Variants in ARHGAP28 observed in about 807,000 individuals in gnomAD.
The protein encoded by ARHGAP28 is rho GTPase-activating protein 28.
Under a neutral mutation model 90.7 loss-of-function variants are expected in ARHGAP28, and 56 were observed. The observed-to-expected ratio is 0.62, with a 90% CI of 0.50 to 0.77. The LOEUF is 0.77. Among genes scored for constraint, ARHGAP28 ranks in the 30% least tolerant of loss-of-function variants. The pLI, the probability that ARHGAP28 is intolerant of heterozygous loss-of-function variation, is 0.00. For missense variants in ARHGAP28, 869 were observed against 900.9 expected, an observed-to-expected ratio of 0.96 and a Z score of 0.45; for synonymous variants, 308 against 323.3, an observed-to-expected ratio of 0.95 and a Z score of 0.51.
chr18:6,901,950 TTC>T (rs1392574863), intron 16 of ARHGAP28, among the ~76,000 whole-genome samples: 5 of 152,176 alleles, frequency 3.3e-5, no homozygotes, highest in African/African-American at 1.2e-4. Flanking sequence ...AATCTTGGCA[TTC>T]CATGGCTTGA....
In ARHGAP28 at chr18:6,823,299, A is replaced by G. The variant is rs79765237; in HGVS notation, c.123-1463A>G. ...ACTACTCAGCACCACAAGTAAATGG[A>G]ATAATCTAGTATTCGTCTTTTTGTG... is the stretch of plus-strand genomic sequence containing the variant. On this transcript the variant is annotated intron_variant, in intron 1 of 17. Coordinates refer to ENST00000383472, the MANE Select transcript of ARHGAP28 (RefSeq NM_001366230.1). Among the ~76,000 whole-genome samples the G allele has an allele frequency of 1.2e-3, 180 of 152,182 alleles. 1 individual carries two copies. The highest frequency in any genetic ancestry group is 4.3e-3 in the African/African-American group (177 of 41,512).
intron 6 of ARHGAP28, among the ~76,000 whole-genome samples, chr18:6,869,016 A>G (rs2057060462): frequency 6.6e-6 from 1 of 152,142 alleles, no homozygotes; most frequent in African/African-American, 2.4e-5. Flanking sequence ...AGACATTAGT[A>G]TTCTACATCA....
At chr18:6,755,181 AAAAG>A (rs2056099645) in intron 1 of ARHGAP28, among the ~76,000 whole-genome samples, 1 of 152,142 alleles carries the variant, frequency 6.6e-6, no homozygotes, top group Non-Finnish European at 1.5e-5. Flanking sequence ...TTAAAGCAAA[AAAAG>A]AAAGTAAATT....
At chr18:6,792,916 C>A (rs2056416476) in intron 1 of ARHGAP28, among the ~76,000 whole-genome samples, 1 of 152,188 alleles carries the variant, frequency 6.6e-6, no homozygotes, top group Non-Finnish European at 1.5e-5. Context: ...CAAATGAAAT[C>A]TGTTCCCTAA....
intron 1 of ARHGAP28, among the ~76,000 whole-genome samples, chr18:6,770,642 C>T (rs995321168): frequency 2.0e-5 from 3 of 152,258 alleles, no homozygotes; most frequent in African/African-American, 7.2e-5. Context: ...AAGCCAGAGG[C>T]TACTTGTAAG....
chr18:6,736,663 C>T (rs924309741), intron 1 of ARHGAP28, among the ~76,000 whole-genome samples: 3 of 149,484 alleles, frequency 2.0e-5, no homozygotes, highest in South Asian at 2.1e-4. Flanking sequence ...AGGAGAATCA[C>T]TTGAACCCAG....
At chr18:6,802,226 T>G (rs1600197745) in intron 1 of ARHGAP28, among the ~76,000 whole-genome samples, 1 of 151,990 alleles carries the variant, frequency 6.6e-6, no homozygotes, top group Admixed American at 6.6e-5. Context: ...ATGAAAGTAT[T>G]ACAATAAACA....
Position 6,913,626 on chromosome 18 carries a change from TA to T in ARHGAP28, c.*1473del, listed in dbSNP as rs2057410024. On this transcript the variant is annotated 3_prime_UTR_variant, in exon 18 of 18. Transcript: ENST00000383472. ...TTTGTAGAAGAAATCTTGTATATAC[TA>T]TTATTACACCTTGATATCTATACAA... 1 of 50,734 alleles carries T rather than the reference TA, an allele frequency of 2.0e-5. No individual in the cohort carries two copies. The highest frequency in any genetic ancestry group is 6.4e-5 in the African/African-American group (1 of 15,698). The allele number at this position is 50,734 out of a possible 1,614,324, so 3.1% of individuals were successfully genotyped here.
rs557657424 is a variant in ARHGAP28, at chr18:6,771,741, G to T, written c.122+41798G>T. On this transcript the variant is annotated intron_variant, in intron 1 of 17. Transcript: ENST00000383472. The stretch of plus-strand genomic sequence containing the variant: ...TTCTGATCCTTGAGACTATCCTGTT[G>T]CCTAGTACGTTTTTATGTTAAACAT... Among the ~76,000 whole-genome samples, 3 of 152,274 alleles carry T rather than the reference G, an allele frequency of 2.0e-5. No homozygotes were observed. The South Asian group carries it at 6.2e-4, about 32-fold the overall frequency.
chr18:6,909,931 C>T (rs1346834955), intron 17 of ARHGAP28, among the ~76,000 whole-genome samples: 1 of 152,112 alleles, frequency 6.6e-6, no homozygotes, highest in Non-Finnish European at 1.5e-5. Flanking sequence ...TAAAAATTGG[C>T]AATTTCCCTC....
At chr18:6,861,761 T>G (rs2057000527) in intron 5 of ARHGAP28, among the ~76,000 whole-genome samples, 1 of 152,180 alleles carries the variant, frequency 6.6e-6, no homozygotes, top group Non-Finnish European at 1.5e-5. Flanking sequence ...TTCTATTTCT[T>G]TATTCTTAGC....
chr18:6,863,112 T>G (rs1348918835), intron 5 of ARHGAP28, among the ~76,000 whole-genome samples: 1 of 152,098 alleles, frequency 6.6e-6, no homozygotes, highest in African/African-American at 2.4e-5. Context: ...AAATAATTAT[T>G]TATCTCATTG....
chr18:6,815,042 A>G lies in ARHGAP28; in HGVS notation c.123-9720A>G, dbSNP rs971450199. On this transcript the variant is annotated intron_variant, in intron 1 of 17. Coordinates refer to ENST00000383472, the MANE Select transcript of ARHGAP28 (RefSeq NM_001366230.1). The stretch of plus-strand genomic sequence containing the variant: ...TTAGGTGGCACCAAACTAGTTCTCT[A>G]CTCATAACCTCAATTTATCTTTGGG... 9.2e-5 allele frequency among the ~76,000 whole-genome samples: 14 copies of G among 152,314 alleles called. 1 individual carries two copies. The highest frequency in any genetic ancestry group is 6.5e-4 in the Admixed American group (10 of 15,294).
intron 1 of ARHGAP28, among the ~76,000 whole-genome samples, chr18:6,813,579 CTT>C (rs1424537948): frequency 6.6e-6 from 1 of 152,080 alleles, no homozygotes; most frequent in African/African-American, 2.4e-5. Flanking sequence ...AATTTGATAA[CTT>C]ATTTTGTCAT....
intron 2 of ARHGAP28, 57 bp from the exon 3 acceptor site, chr18:6,837,140 T>C: frequency 7.9e-7 from 1 of 1,272,860 alleles, no homozygotes; most frequent in Non-Finnish European, 1.1e-6. Flanking sequence ...GATATTCACA[T>C]GGCATCCAAT....
chr18:6,863,977 G>T (rs1841179885), intron 5 of ARHGAP28, among the ~76,000 whole-genome samples: 3 of 149,136 alleles, frequency 2.0e-5, no homozygotes, highest in Admixed American at 1.3e-4. Flanking sequence ...TAGAGACAGG[G>T]TTTCACCATG....
intron 13 of ARHGAP28, 138 bp downstream of exon 13, chr18:6,890,223 C>A: frequency 2.1e-6 from 2 of 972,676 alleles, no homozygotes; most frequent in East Asian, 2.5e-5. Context: ...GACAGCCTTA[C>A]ACCTTCTGGA....
At chr18:6,773,298 C>G (rs1461241979) in intron 1 of ARHGAP28, among the ~76,000 whole-genome samples, 1 of 152,118 alleles carries the variant, frequency 6.6e-6, no homozygotes, top group Non-Finnish European at 1.5e-5. Flanking sequence ...ACACAAGCAA[C>G]AGATGCATAC....
At chr18:6,757,311 AG>A (rs904110185) in intron 1 of ARHGAP28, among the ~76,000 whole-genome samples, 11 of 152,322 alleles carry the variant, frequency 7.2e-5, no homozygotes, top group African/African-American at 2.2e-4. Flanking sequence ...GTAGGAAAAT[AG>A]GGGGCAGGGC....
Sources: gnomAD v4.1 joint callset for allele counts (sites outside exome capture counted in the v4.1 genomes callset) on GRCh38, gnomAD v4.1.1 for gene constraint, MANE v1.5 for transcripts, NCBI Gene and HGNC (gene_info 2026-07-23, HGNC 2026-07-21) for gene names.